Variants in TMPRSS9 observed in about 807,000 individuals in gnomAD.
TMPRSS9 encodes transmembrane serine protease 9.
A neutral mutation model predicts 111.4 loss-of-function variants in TMPRSS9; 113 were observed. The observed-to-expected ratio is 1.01, with a 90% CI of 0.87 to 1.19. TMPRSS9 has a LOEUF of 1.19. Among genes scored for constraint, TMPRSS9 ranks in the 50% most tolerant of loss-of-function variants. The pLI, the probability that TMPRSS9 is intolerant of heterozygous loss-of-function variation, is 0.00. For synonymous variants in TMPRSS9, 805 were observed against 659.1 expected (o/e 1.22, Z -3.39); for missense variants, 1,803 against 1,513.1 (o/e 1.19, Z -3.18).
chr19:2,425,455 T>C (rs868491576), exon 17 of TMPRSS9: 2 of 1,592,264 alleles, frequency 1.3e-6, no homozygotes, highest in East Asian at 2.3e-5. Context: ...CCGCATGCTG[T>C]GTGCCGGCTT....
chr19:2,411,193 G>A (rs1040512377), intron 9 of TMPRSS9, among the ~76,000 whole-genome samples: 1 of 149,462 alleles, frequency 6.7e-6, no homozygotes, highest in Non-Finnish European at 1.5e-5. Flanking sequence ...CCAGCTCCTC[G>A]GGTGGCTGAG....
At chr19:2,399,754 G>A (rs1459928165) in intron 4 of TMPRSS9, among the ~76,000 whole-genome samples, 1 of 151,928 alleles carries the variant, frequency 6.6e-6, no homozygotes, top group Non-Finnish European at 1.5e-5. Flanking sequence ...ATCTCACTCT[G>A]TTGCCCAGTC....
intron 1 of TMPRSS9, chr19:2,396,322 T>C: frequency 1.9e-6 from 1 of 513,530 alleles, no homozygotes; most frequent in South Asian, 4.0e-5. Context: ...GTGGCTGTCA[T>C]AGAATTCGGC....
intron 10 of TMPRSS9, among the ~76,000 whole-genome samples, chr19:2,415,264 C>T (rs1971200908): frequency 6.6e-6 from 1 of 152,038 alleles, no homozygotes; most frequent in Non-Finnish European, 1.5e-5. Flanking sequence ...TTCAGTTCAC[C>T]TACACCCCAC....
At chr19:2,406,793 C>T (rs538504916) in intron 7 of TMPRSS9, among the ~76,000 whole-genome samples, 13 of 150,110 alleles carry the variant, frequency 8.7e-5, no homozygotes, top group Admixed American at 2.7e-4. Context: ...AATATTCTGT[C>T]GTGATATTAT....
At chr19:2,372,360 G>A (rs975686727) in intron 1 of TMPRSS9, among the ~76,000 whole-genome samples, 3 of 149,580 alleles carry the variant, frequency 2.0e-5, no homozygotes, top group East Asian at 2.1e-4. Context: ...ACCCTCCTAC[G>A]TTGCTTTAAA....
chr19:2,411,290 A>G (rs1465727720), intron 9 of TMPRSS9, among the ~76,000 whole-genome samples: 1 of 98,560 alleles, frequency 1.0e-5, no homozygotes, highest in Admixed American at 1.2e-4. Flanking sequence ...ACAAAGCAAG[A>G]CTCTGTCTCA....
At chr19:2,404,888 C>T (rs558658113) in intron 6 of TMPRSS9, among the ~76,000 whole-genome samples, 19 of 148,736 alleles carry the variant, frequency 1.3e-4, no homozygotes, top group Middle Eastern at 3.4e-3. Flanking sequence ...GTTGAGATCA[C>T]GCCACTGCAC....
At chr19:2,415,428 G>A (rs2145376361) in intron 10 of TMPRSS9, among the ~76,000 whole-genome samples, 1 of 152,236 alleles carries the variant, frequency 6.6e-6, no homozygotes, top group Non-Finnish European at 1.5e-5. Flanking sequence ...GGGTCCTCGG[G>A]CTGACTGGGC....
intron 1 of TMPRSS9, among the ~76,000 whole-genome samples, chr19:2,390,858 A>G (rs1167677887): frequency 6.6e-6 from 1 of 151,634 alleles, no homozygotes; most frequent in East Asian, 1.9e-4. Context: ...ATCTCAAAAA[A>G]TAAAAACATA....
intron 1 of TMPRSS9, among the ~76,000 whole-genome samples, chr19:2,376,231 C>T (rs1970332942): frequency 6.6e-6 from 1 of 152,114 alleles, no homozygotes; most frequent in Admixed American, 6.6e-5. Flanking sequence ...AGCACAGCCT[C>T]TTCCAGTCTC....
chr19:2,387,495 C>G (rs1970500790), upstream of TMPRSS9, among the ~76,000 whole-genome samples: 2 of 147,130 alleles, frequency 1.4e-5, no homozygotes. Flanking sequence ...GACTCCATCT[C>G]AATAGAAAAG....
exon 10 of TMPRSS9, chr19:2,413,936 C>T (rs925594011): frequency 1.2e-5 from 20 of 1,612,152 alleles, no homozygotes; most frequent in Non-Finnish European, 1.6e-5. Flanking sequence ...GTCCTGAGAG[C>T]CCTGTGGTCA....
At chr19:2,387,505 G>A (rs1268993304), upstream of TMPRSS9, among the ~76,000 whole-genome samples, 1 of 148,234 alleles carries the variant, frequency 6.7e-6, no homozygotes, top group East Asian at 2.0e-4. Flanking sequence ...CAATAGAAAA[G>A]AAAGGAAAGG....
exon 13 of TMPRSS9, chr19:2,418,026 A>T: frequency 1.2e-6 from 2 of 1,611,754 alleles, no homozygotes; most frequent in Non-Finnish European, 1.7e-6. Flanking sequence ...CTCCTGCAGA[A>T]GGCGTCCGTG....
At chr19:2,365,621 C>CAAAAA (rs371800974) in intron 1 of TMPRSS9, among the ~76,000 whole-genome samples, 1 of 130,982 alleles carries the variant, frequency 7.6e-6, no homozygotes, top group Non-Finnish European at 1.7e-5. Flanking sequence ...AACAAACAAA[C>CAAAAA]AAAAAAAACA....
In TMPRSS9 at chr19:2,421,710, C is replaced by T. The variant is rs114527608; in HGVS notation, c.2155-144C>T. On this transcript the variant is annotated intron_variant, in intron 13 of 17. Transcript: ENST00000648592. ...GGTCACACAGCCAGGCATGGGGCTG[C>T]AGTCAGGTCTCCAGACCCGCGCTGT... The T allele has an allele frequency of 4.7e-3, 3,487 of 740,218 alleles. 92 individuals carry two copies. The African/African-American group carries it at 0.056, about 12-fold the overall frequency. The allele number at this position is 740,218 out of a possible 1,614,324, so 45.9% of individuals were successfully genotyped here. A position where few individuals can be genotyped will look rare whatever the true frequency, so the allele number is the denominator to read the frequency against.
intron 1 of TMPRSS9, among the ~76,000 whole-genome samples, chr19:2,365,782 A>C (rs1438581683): frequency 6.6e-6 from 1 of 152,022 alleles, no homozygotes; most frequent in Non-Finnish European, 1.5e-5. Flanking sequence ...TGGGCAACAT[A>C]GCAAGACCCC....
In TMPRSS9 at chr19:2,401,963, G is replaced by A; in HGVS notation, c.515-12G>A. ...TATTCAGTGAGCTTCTATCTTCTCTGTTTTGTTGCAGGGAGACATAAGGGA... is the reference window on the plus strand; with the variant it reads ...TATTCAGTGAGCTTCTATCTTCTCTATTTTGTTGCAGGGAGACATAAGGGA... On this transcript the variant is annotated splice_polypyrimidine_tract_variant and intron_variant, in intron 4 of 17. Transcript: ENST00000648592. 6.2e-7 allele frequency: 1 copy of A among 1,608,630 alleles called. No homozygotes were observed. The highest frequency in any genetic ancestry group is 1.1e-5 in the South Asian group (1 of 90,918).
Sources: gnomAD v4.1 joint callset for allele counts (sites outside exome capture counted in the v4.1 genomes callset) on GRCh38, gnomAD v4.1.1 for gene constraint, MANE v1.5 for transcripts, NCBI Gene and HGNC (gene_info 2026-07-23, HGNC 2026-07-21) for gene names.